Variants in EML1 observed in about 807,000 individuals in gnomAD.
The protein encoded by EML1 is EMAP like 1, also known as echinoderm microtubule-associated protein-like 1.
EML1 carries 27 observed loss-of-function variants against 110.4 expected under a neutral mutation model. The ratio of observed to expected loss-of-function variants is 0.24; its 90% CI spans 0.18 to 0.34. The LOEUF is 0.34. EML1 is among the 10% of genes least tolerant of loss of function. The probability of loss-of-function intolerance (pLI) is 1.00; values close to 1 mark genes in which losing one functional copy is unlikely to be tolerated. For synonymous variants in EML1, 344 were observed against 385.8 expected, an observed-to-expected ratio of 0.89 and a Z score of 1.27; for missense variants, 741 against 1,030.9, an observed-to-expected ratio of 0.72 and a Z score of 3.85.
chr14:99,793,735 T>TCGCTCCGGGC (rs2057714581), intron 1 of EML1, among the ~76,000 whole-genome samples, 192 bp downstream of exon 1: 2 of 146,324 alleles, frequency 1.4e-5, no homozygotes, highest in Non-Finnish European at 1.5e-5. Flanking sequence ...GGGCCGCGCC[T>TCGCTCCGGGC]CGCTCCGGGC....
chr14:99,881,840 C>A (rs2059390219), intron 4 of EML1, among the ~76,000 whole-genome samples: 4 of 152,106 alleles, frequency 2.6e-5, no homozygotes. Flanking sequence ...ACCTTGTGAT[C>A]CGCCCACCTC....
chr14:99,874,950 C>T, intron 3 of EML1: 1 of 1,613,588 alleles, frequency 6.2e-7, no homozygotes, highest in African/African-American at 1.3e-5. Flanking sequence ...ATCTGTGAGT[C>T]TTCTCAATGC....
At chr14:99,907,373 TAGGAG>T (rs2059868624) in intron 9 of EML1, 1 of 405,132 alleles carries the variant, frequency 2.5e-6, no homozygotes, top group Non-Finnish European at 4.4e-6. Context: ...GAGGCTGGGG[TAGGAG>T]GATTGCTTGA....
intron 1 of EML1, among the ~76,000 whole-genome samples, chr14:99,831,563 C>T (rs1194914402): frequency 6.6e-6 from 1 of 152,182 alleles, no homozygotes. Flanking sequence ...GCATACACTT[C>T]TGTGCTGGCT....
chr14:99,829,138 A>G (rs551320680), intron 1 of EML1, among the ~76,000 whole-genome samples: 3 of 152,334 alleles, frequency 2.0e-5, no homozygotes, highest in Admixed American at 1.3e-4. Context: ...GCCACTGTAC[A>G]GACTGGGCCC....
At chr14:99,866,351 A>G (rs913806546) in intron 3 of EML1, among the ~76,000 whole-genome samples, 19 of 152,116 alleles carry the variant, frequency 1.2e-4, no homozygotes, top group African/African-American at 4.6e-4. Context: ...CGGGCAGATC[A>G]TCTGTGGTCA....
At chr14:99,741,868 G>T (rs1377536013) in intron 1 of EML1, among the ~76,000 whole-genome samples, 1 of 152,196 alleles carries the variant, frequency 6.6e-6, no homozygotes, top group African/African-American at 2.4e-5. Context: ...TGAGATGCCT[G>T]GAGTGGCCCT....
At position 99,911,572 on chromosome 14, in the gene EML1, C is replaced by T. The variant is rs753943424; in HGVS notation, c.1490C>T (p.Thr497Met). 19 of 1,611,702 alleles carry T rather than the reference C, an allele frequency of 1.2e-5. No individual in the cohort carries two copies. Among genetic ancestry groups the T allele is most frequent in the East Asian group, 4.5e-5 (2 of 44,820 alleles). The change falls in exon 13 of 22, where the codon ACG (threonine) becomes ATG (methionine). Residue 497 changes from threonine to methionine, a missense_variant. Physicochemically the swap from Thr to Met is moderately conservative, Grantham distance 81 (BLOSUM62 -1). Transcript: ENST00000262233. Reference protein sequence around the residue: ...WSGNYQKLRKTEIPEQFGPIR... With the variant: ...WSGNYQKLRKMEIPEQFGPIR... ...GGAAACTATCAAAAACTTCGTAAAA[C>T]GGAGGTAAGTCATCAAGGCTACTGC...
chr14:99,892,794 A>C (rs1465657521), intron 5 of EML1, among the ~76,000 whole-genome samples: 1 of 152,074 alleles, frequency 6.6e-6, no homozygotes, highest in Admixed American at 6.6e-5. Context: ...ATACATCCAC[A>C]CTCTGCATTT....
rs984072726 is a variant in EML1, at chr14:99,905,866, T to G, written c.1009-1772T>G. 1.3e-5 allele frequency among the ~76,000 whole-genome samples: 2 copies of G among 152,164 alleles called. No individual in the cohort carries two copies. Among genetic ancestry groups the G allele is most frequent in the African/African-American group, 4.8e-5 (2 of 41,444 alleles). On this transcript the variant is annotated intron_variant, in intron 9 of 21. Transcript: ENST00000262233. The surrounding 1 kb of genome is among the most constrained non-coding windows in gnomAD (Gnocchi z 4.1). ...ATTAAGAGGGGCCTTTAACCCACTC[T>G]GTCTTAGGAGAGACTCCTAAGTTAG...
intron 1 of EML1, among the ~76,000 whole-genome samples, chr14:99,815,229 C>T (rs1197331598): frequency 6.6e-6 from 1 of 151,258 alleles, no homozygotes; most frequent in Non-Finnish European, 1.5e-5. Context: ...GCAAGCTCCA[C>T]CTCCCGGGTT....
rs762777314 is a variant in EML1, at chr14:99,936,373, A to G, written c.2095+39A>G. The stretch of plus-strand genomic sequence containing the variant: ...CGGGGTTGTATGAAGTCTCGATCTC[A>G]GAAAGCGTTCACTCTGAGATCCAGG... On this transcript the variant is annotated intron_variant, in intron 19 of 21. Transcript: ENST00000262233. This position sits in a 1 kb window ranked among gnomAD's most constrained non-coding sequence, Gnocchi z 5.5. The G allele has an allele frequency of 1.3e-6, 2 of 1,589,258 alleles. No individual in the cohort carries two copies. The highest frequency in any genetic ancestry group is 3.4e-5 in the Admixed American group (2 of 59,686).
At chr14:99,750,405 C>T (rs903220170) in intron 1 of EML1, among the ~76,000 whole-genome samples, 8 of 152,230 alleles carry the variant, frequency 5.3e-5, no homozygotes, top group South Asian at 2.1e-4. Context: ...TATGTCCTCA[C>T]CCAGCTGGGG....
chr14:99,827,954 C>G lies in EML1; in HGVS notation c.68-22899C>G, dbSNP rs2058388462. Among the ~76,000 whole-genome samples the G allele has an allele frequency of 6.6e-6, 1 of 152,102 alleles. No homozygotes were observed. Among genetic ancestry groups the G allele is most frequent in the Non-Finnish European group, 1.5e-5 (1 of 68,022 alleles). The stretch of plus-strand genomic sequence containing the variant: ...ATATGAACACTGTCTCTGCAGGATT[C>G]TTGCCTGTGAATGAAATGGAGGGAA... On this transcript the variant is annotated intron_variant, in intron 1 of 21. Transcript: ENST00000262233. The surrounding 1 kb of genome is among the most constrained non-coding windows in gnomAD (Gnocchi z 4.4).
chr14:99,820,539 A>T (rs1345613617), intron 1 of EML1, among the ~76,000 whole-genome samples: 1 of 152,260 alleles, frequency 6.6e-6, no homozygotes, highest in African/African-American at 2.4e-5. Flanking sequence ...ACACCAGTTC[A>T]ATGCACAGTC....
Position 99,911,648 on chromosome 14 carries a change from A to T in EML1, c.1494+72A>T. The T allele has an allele frequency of 4.6e-6, 7 of 1,517,288 alleles. No individual in the cohort carries two copies. In the South Asian group the frequency reaches 8.9e-5, roughly 19 times the overall value. 94.0% of individuals were successfully genotyped at this position (1,517,288 alleles called of 1,614,324 possible). A position where few individuals can be genotyped will look rare whatever the true frequency, so the allele number is the denominator to read the frequency against. ...GTTATCCTTTTTTTATTAGTTTGAAATCTGTATCTTACAGTTTTGAAAATT... is the reference window on the plus strand; with the variant it reads ...GTTATCCTTTTTTTATTAGTTTGAATTCTGTATCTTACAGTTTTGAAAATT... On this transcript the variant is annotated intron_variant, in intron 13 of 21. Transcript: ENST00000262233.
chr14:99,835,278 T>A (rs1447476109), intron 1 of EML1, among the ~76,000 whole-genome samples: 3 of 152,242 alleles, frequency 2.0e-5, no homozygotes. Context: ...AAAATATTTC[T>A]TTATCCTTTT....
At chr14:99,901,768 C>T (rs1422813526) in intron 9 of EML1, among the ~76,000 whole-genome samples, 2 of 152,132 alleles carry the variant, frequency 1.3e-5, no homozygotes, top group African/African-American at 4.8e-5. Context: ...TTACTGCAAG[C>T]GGTTATATCA....
intron 2 of EML1, among the ~76,000 whole-genome samples, chr14:99,861,534 T>G (rs886174288): frequency 1.3e-5 from 2 of 152,158 alleles, no homozygotes; most frequent in African/African-American, 2.4e-5. Context: ...CAGGCTGGAG[T>G]GCAGTGACAG....
Sources: gnomAD v4.1 joint callset for allele counts (sites outside exome capture counted in the v4.1 genomes callset) on GRCh38, gnomAD v4.1.1 for gene constraint, Gnocchi (gnomAD v3.1) non-coding constraint, MANE v1.5 for transcripts, NCBI Gene and HGNC (gene_info 2026-07-23, HGNC 2026-07-21) for gene names.